Variants in FAT3 observed in about 807,000 individuals in gnomAD.
FAT3 encodes the protein FAT atypical cadherin 3, also known as protocadherin Fat 3.
In FAT3, 95 loss-of-function variants were observed where a neutral mutation model predicts 310.2. That is an observed-to-expected ratio of 0.31 (90% confidence interval 0.26 to 0.36). The LOEUF (loss-of-function observed/expected upper bound fraction) is 0.36, where lower values mean the gene tolerates loss of function less well. Ranked by LOEUF, FAT3 falls within the 10% of genes least tolerant of loss-of-function variation. The pLI, the probability that FAT3 is intolerant of heterozygous loss-of-function variation, is 1.00. For missense variants in FAT3, 5,408 were observed against 5,715.6 expected (o/e 0.95, Z 1.74); for synonymous variants, 2,314 against 2,192.9 (o/e 1.06, Z -1.54).
intron 3 of FAT3, among the ~76,000 whole-genome samples, chr11:92,601,217 T>C (rs1184615253): frequency 6.6e-6 from 1 of 151,212 alleles, no homozygotes; most frequent in Non-Finnish European, 1.5e-5. Context: ...GGAGTGGAGA[T>C]GAGAGTAAAA....
Position 92,894,557 on chromosome 11 carries a change from T to G in FAT3, c.*3444T>G, listed in dbSNP as rs1477635699. 1 of 152,312 alleles carries G rather than the reference T, an allele frequency of 6.6e-6. No individual in the cohort carries two copies. The highest frequency in any genetic ancestry group is 1.5e-5 in the Non-Finnish European group (1 of 68,028). 9.4% of individuals were successfully genotyped at this position (152,312 alleles called of 1,614,324 possible). A position where few individuals can be genotyped will look rare whatever the true frequency, so the allele number is the denominator to read the frequency against. On this transcript the variant is annotated 3_prime_UTR_variant, in exon 28 of 28. Transcript: ENST00000525166. ...TTTACTAGTATTGCACACATTCTGGTTAGGTTGAGAATAGCTAGACTCTTG... is the reference window on the plus strand; with the variant it reads ...TTTACTAGTATTGCACACATTCTGGGTAGGTTGAGAATAGCTAGACTCTTG...
intron 1 of FAT3, among the ~76,000 whole-genome samples, chr11:92,298,115 C>A (rs1405759274): frequency 6.6e-6 from 1 of 152,070 alleles, no homozygotes; most frequent in Non-Finnish European, 1.5e-5. Context: ...ATTGGAAATT[C>A]ATGGCACATA....
intron 2 of FAT3, among the ~76,000 whole-genome samples, chr11:92,500,515 A>G (rs545320449): frequency 1.6e-4 from 24 of 152,172 alleles, no homozygotes; most frequent in African/African-American, 5.5e-4. Context: ...GACATCTGTT[A>G]CATCAGTGCC....
chr11:92,442,111 A>ATATATATTTTTTTT (rs1453396603), intron 2 of FAT3, among the ~76,000 whole-genome samples: 5 of 45,196 alleles, frequency 1.1e-4, no homozygotes, highest in African/African-American at 5.5e-4. Context: ...ATATATATAT[A>ATATATATTTTTTTT]TTTTTTTTTT....
intron 3 of FAT3, among the ~76,000 whole-genome samples, chr11:92,580,166 T>G (rs514578): frequency 0.85 from 128,471 of 151,902 alleles, 54,519 homozygotes; most frequent in Middle Eastern, 0.92. Flanking sequence ...AATAGGTGAG[T>G]ATGAATAATG....
At chr11:92,456,094 T>C (rs779933308) in intron 2 of FAT3, among the ~76,000 whole-genome samples, 16 of 152,188 alleles carry the variant, frequency 1.1e-4, no homozygotes, top group Non-Finnish European at 1.8e-4. Context: ...GGACTTAGAC[T>C]ACAATTTTGG....
rs190958481 is a variant in FAT3 at position 92,505,177 on chromosome 11, T to C, written c.3293-19457T>C. 2.4e-3 allele frequency among the ~76,000 whole-genome samples: 368 copies of C among 152,240 alleles called. 3 individuals carry two copies. Among genetic ancestry groups the C allele is most frequent in the African/African-American group, 8.2e-3 (339 of 41,558 alleles). On this transcript the variant is annotated intron_variant, in intron 2 of 27. Coordinates refer to ENST00000525166, the MANE Select transcript of FAT3 (RefSeq NM_001367949.2). Reference sequence around the variant, plus strand: ...GTGGTTGTGTGTGCCTACTAGAGACTGTCCAGGCCTGCCTGCTACCTCCGT... The same window carrying C: ...GTGGTTGTGTGTGCCTACTAGAGACCGTCCAGGCCTGCCTGCTACCTCCGT...
intron 1 of FAT3, among the ~76,000 whole-genome samples, chr11:92,294,449 A>G (rs1427254193): frequency 6.6e-6 from 1 of 152,002 alleles, no homozygotes; most frequent in East Asian, 1.9e-4. Context: ...ACTGCTAAGG[A>G]GCCTAAGCTA....
chr11:92,451,393 T>G (rs1951349257), intron 2 of FAT3, among the ~76,000 whole-genome samples: 2 of 152,156 alleles, frequency 1.3e-5, no homozygotes, highest in African/African-American at 4.8e-5. Flanking sequence ...CGAGTGTTAT[T>G]CTTTGGACTG....
chr11:92,333,745 T>C (rs529807215), intron 1 of FAT3, among the ~76,000 whole-genome samples: 4 of 151,092 alleles, frequency 2.6e-5, no homozygotes, highest in East Asian at 1.9e-4. Flanking sequence ...TTTTTTTTTT[T>C]CTCCATGAAA....
In FAT3 at chr11:92,249,926, A is replaced by G. The variant is rs114530738; in HGVS notation, c.-18+24752A>G. Among the ~76,000 whole-genome samples the G allele has an allele frequency of 7.4e-3, 1,128 of 152,238 alleles. 24 individuals are homozygous for G. Among genetic ancestry groups the G allele is most frequent in the African/African-American group, 0.026 (1,073 of 41,546 alleles). ...GATATTATTACCTGATTGCAAATCT[A>G]TAATTCTGGTGCAAGATAGAACAGA... On this transcript the variant is annotated intron_variant, in intron 1 of 27. Transcript: ENST00000525166.
chr11:92,437,351 G>C (rs1297739063), intron 2 of FAT3, among the ~76,000 whole-genome samples: 1 of 152,164 alleles, frequency 6.6e-6, no homozygotes, highest in African/African-American at 2.4e-5. Context: ...TAATTACACA[G>C]TATTAATTGT....
intron 2 of FAT3, among the ~76,000 whole-genome samples, chr11:92,363,183 T>G (rs1948924220): frequency 6.6e-6 from 1 of 152,094 alleles, no homozygotes; most frequent in Non-Finnish European, 1.5e-5. Context: ...TTGAGTAGCT[T>G]TTATTTATTT....
chr11:92,596,758 G>A (rs1224337637), intron 3 of FAT3, among the ~76,000 whole-genome samples: 1 of 152,142 alleles, frequency 6.6e-6, no homozygotes, highest in African/African-American at 2.4e-5. Context: ...ACCACCAAGT[G>A]CTGGTTTCCT....
At position 92,355,165 on chromosome 11, in the gene FAT3, C is replaced by T; in HGVS notation, c.3053C>T (p.Pro1018Leu). The T allele has an allele frequency of 3.1e-6, 5 of 1,613,780 alleles. No individual in the cohort carries two copies. Among genetic ancestry groups the T allele is most frequent in the Non-Finnish European group, 4.2e-6 (5 of 1,179,822 alleles). ...LTVRAKDKGRPVSLSSVSFVE... is the reference protein window; with the variant it reads ...LTVRAKDKGRLVSLSSVSFVE... Reference sequence around the variant, plus strand: ...GTGCGGGCCAAAGACAAAGGGCGGCCTGTCTCTCTGTCATCTGTTTCCTTT... The same window carrying T: ...GTGCGGGCCAAAGACAAAGGGCGGCTTGTCTCTCTGTCATCTGTTTCCTTT... The change falls in exon 2 of 28, where the codon CCT becomes CTT. Residue 1018 changes from proline (P) to leucine (L), a missense_variant. By Grantham distance (98) the Pro-to-Leu change is moderately conservative. Coordinates refer to ENST00000525166, the MANE Select transcript of FAT3 (RefSeq NM_001367949.2).
intron 22 of FAT3, among the ~76,000 whole-genome samples, chr11:92,880,086 A>G (rs1949638778): frequency 6.6e-6 from 1 of 151,580 alleles, no homozygotes; most frequent in African/African-American, 2.4e-5. Flanking sequence ...CTCTGTAGTG[A>G]GGATATTATA....
intron 2 of FAT3, among the ~76,000 whole-genome samples, chr11:92,469,709 G>T (rs1209351448): frequency 6.6e-6 from 1 of 151,892 alleles, no homozygotes; most frequent in South Asian, 2.1e-4. Context: ...TAGAGATGGG[G>T]TTTCATCATG....
At chr11:92,318,133 T>C (rs2134481635) in intron 1 of FAT3, among the ~76,000 whole-genome samples, 1 of 152,278 alleles carries the variant, frequency 6.6e-6, no homozygotes, top group Non-Finnish European at 1.5e-5. Context: ...TATCATAGTG[T>C]GGATTTCTAG....
intron 1 of FAT3, among the ~76,000 whole-genome samples, chr11:92,265,060 C>T (rs192092776): frequency 6.6e-5 from 10 of 151,752 alleles, no homozygotes; most frequent in Admixed American, 1.3e-4. Flanking sequence ...ATTGCTAAGC[C>T]GAGTCTAGAA....
Sources: allele counts gnomAD v4.1 joint callset (sites outside exome capture counted in the v4.1 genomes callset), GRCh38; gene constraint gnomAD v4.1.1; transcripts MANE v1.5; gene names NCBI Gene and HGNC (gene_info 2026-07-23, HGNC 2026-07-21).